DAB1: variants seen among roughly 807,000 people sequenced by gnomAD.
DAB1 encodes DAB adaptor protein 1.
In DAB1, 15 loss-of-function variants were observed where a neutral mutation model predicts 64.6. The observed-to-expected ratio is 0.23, with a 90% CI of 0.16 to 0.36. The LOEUF (loss-of-function observed/expected upper bound fraction) is 0.36. DAB1 is among the 10% of genes least tolerant of loss of function. The pLI is 1.00. For missense variants in DAB1, 596 were observed against 706.7 expected, an observed-to-expected ratio of 0.84 and a Z score of 1.78; for synonymous variants, 235 against 251.9, an observed-to-expected ratio of 0.93 and a Z score of 0.64.
At chr1:57,796,017 TG>T (rs1285584139) in intron 6 of DAB1, among the ~76,000 whole-genome samples, 1 of 151,852 alleles carries the variant, frequency 6.6e-6, no homozygotes, top group East Asian at 1.9e-4. Flanking sequence ...ATGCACGCTG[TG>T]GTAAATTTAA....
intron 4 of DAB1, among the ~76,000 whole-genome samples, chr1:58,183,461 C>T (rs1276269045): frequency 6.6e-6 from 1 of 152,144 alleles, no homozygotes; most frequent in Non-Finnish European, 1.5e-5. Context: ...ATGGCTATCT[C>T]ATTCTAGATC....
intron 2 of DAB1, among the ~76,000 whole-genome samples, chr1:57,267,831 G>C (rs1181466691): frequency 6.6e-6 from 1 of 152,080 alleles, no homozygotes; most frequent in Non-Finnish European, 1.5e-5. Context: ...ACCCCAACTT[G>C]ACAGCTGGGC....
At chr1:58,134,619 A>G (rs1653839527) in intron 5 of DAB1, among the ~76,000 whole-genome samples, 1 of 152,232 alleles carries the variant, frequency 6.6e-6, no homozygotes, top group African/African-American at 2.4e-5. Flanking sequence ...AAGGTAAAGG[A>G]GAAGCAGGCA....
chr1:58,141,771 T>C (rs932255520), intron 5 of DAB1, among the ~76,000 whole-genome samples: 5 of 152,220 alleles, frequency 3.3e-5, no homozygotes, highest in African/African-American at 1.2e-4. Flanking sequence ...GAGTTGGTTT[T>C]ATGGAGTTGG....
At chr1:57,942,330 C>A (rs1645118147) in intron 5 of DAB1, among the ~76,000 whole-genome samples, 1 of 152,174 alleles carries the variant, frequency 6.6e-6, no homozygotes, top group Non-Finnish European at 1.5e-5. Context: ...TAAGTAAGAT[C>A]CAAACCATTG....
intron 6 of DAB1, among the ~76,000 whole-genome samples, chr1:57,703,006 A>G (rs905804836): frequency 6.6e-6 from 1 of 152,198 alleles, no homozygotes; most frequent in Non-Finnish European, 1.5e-5. Context: ...TTGAAACTGG[A>G]CCTCTTCCTT....
chr1:58,362,617 T>G (rs76147720), intron 3 of DAB1, among the ~76,000 whole-genome samples: 1 of 152,108 alleles, frequency 6.6e-6, no homozygotes, highest in Non-Finnish European at 1.5e-5. Context: ...TGTAGCTGAA[T>G]GTGGGGGTAG....
chr1:58,087,600 C>T (rs1458089387), intron 5 of DAB1, among the ~76,000 whole-genome samples: 2 of 152,156 alleles, frequency 1.3e-5, no homozygotes, highest in East Asian at 1.9e-4. Flanking sequence ...CCATAGAAAA[C>T]TGGAACTGAG....
chr1:57,425,066 C>A (rs1392740944), upstream of DAB1, among the ~76,000 whole-genome samples: 1 of 152,146 alleles, frequency 6.6e-6, no homozygotes, highest in Non-Finnish European at 1.5e-5. Flanking sequence ...ATTCTTCCAC[C>A]TTGAGACTAG....
At chr1:57,974,919 G>A (rs1645884213) in intron 5 of DAB1, among the ~76,000 whole-genome samples, 1 of 152,046 alleles carries the variant, frequency 6.6e-6, no homozygotes, top group African/African-American at 2.4e-5. Context: ...GCCAGGTACT[G>A]CAACTGGTGT....
intron 9 of DAB1, among the ~76,000 whole-genome samples, chr1:57,057,541 C>A (rs368553377): frequency 1.3e-5 from 2 of 151,742 alleles, no homozygotes; most frequent in African/African-American, 4.8e-5. Flanking sequence ...GGCCCAAATC[C>A]TTTCTCCAGC....
At chr1:57,686,789 T>C (rs1196197652) in intron 6 of DAB1, among the ~76,000 whole-genome samples, 4 of 151,948 alleles carry the variant, frequency 2.6e-5, no homozygotes, top group African/African-American at 4.8e-5. Context: ...ATAAACACAA[T>C]TAAAAGTAAA....
chr1:57,571,235 A>T (rs1459402888), intron 7 of DAB1, among the ~76,000 whole-genome samples: 11 of 152,150 alleles, frequency 7.2e-5, no homozygotes, highest in Admixed American at 1.3e-4. Flanking sequence ...GACTTCCAGT[A>T]CTACGTTGAA....
chr1:58,279,528 G>C (rs1306572034), intron 4 of DAB1, among the ~76,000 whole-genome samples: 1 of 152,184 alleles, frequency 6.6e-6, no homozygotes, highest in African/African-American at 2.4e-5. Context: ...CCCTGGAGCA[G>C]GGTATTATTG....
At chr1:57,016,779 A>G (rs761166023) in intron 11 of DAB1, among the ~76,000 whole-genome samples, 1 of 152,188 alleles carries the variant, frequency 6.6e-6, no homozygotes, top group Non-Finnish European at 1.5e-5. Flanking sequence ...TGTTATAATA[A>G]TAATAGTAAC....
At chr1:57,675,507 T>A (rs1485151429) in intron 6 of DAB1, among the ~76,000 whole-genome samples, 1 of 152,226 alleles carries the variant, frequency 6.6e-6, no homozygotes, top group African/African-American at 2.4e-5. Flanking sequence ...AAGGATGATA[T>A]CACAACTATC....
intron 1 of DAB1, among the ~76,000 whole-genome samples, chr1:58,545,796 T>C (rs1441350568): frequency 1.3e-5 from 2 of 152,170 alleles, no homozygotes; most frequent in African/African-American, 2.4e-5. Flanking sequence ...AGCTGTCAGA[T>C]TGGCAAAAAT....
chr1:57,450,713 A>G (rs1261765904), intron 7 of DAB1, among the ~76,000 whole-genome samples: 1 of 152,220 alleles, frequency 6.6e-6, no homozygotes, highest in East Asian at 1.9e-4. Context: ...TTAATTATAA[A>G]CACATAAACC....
At chr1:58,003,521 A>C (rs537247991) in intron 5 of DAB1, among the ~76,000 whole-genome samples, 63 of 152,362 alleles carry the variant, frequency 4.1e-4, no homozygotes, top group East Asian at 1.5e-3. Flanking sequence ...GGAAATTGTC[A>C]TTAACCCAGC....
Sources: allele counts gnomAD v4.1 joint callset (sites outside exome capture counted in the v4.1 genomes callset), GRCh38; gene constraint gnomAD v4.1.1; transcripts MANE v1.5; gene names NCBI Gene and HGNC (gene_info 2026-07-23, HGNC 2026-07-21).